CSMD1: variants seen among roughly 807,000 people sequenced by gnomAD.
The protein encoded by CSMD1 is CUB and Sushi multiple domains 1, also known as CUB and sushi domain-containing protein 1.
In CSMD1, 213 loss-of-function variants were observed where a neutral mutation model predicts 417.5. The ratio of observed to expected loss-of-function variants is 0.51; its 90% CI spans 0.46 to 0.57. The LOEUF (loss-of-function observed/expected upper bound fraction) is 0.57, where lower values mean the gene tolerates loss of function less well. Ranked by LOEUF, CSMD1 falls within the 20% of genes least tolerant of loss-of-function variation. CSMD1 has a pLI of 0.00. For synonymous variants in CSMD1, 2,862 were observed against 1,736.8 expected, an observed-to-expected ratio of 1.65 and a Z score of -16.11; for missense variants, 6,923 against 4,529.7, an observed-to-expected ratio of 1.53 and a Z score of -15.17.
intron 10 of CSMD1, among the ~76,000 whole-genome samples, chr8:3,510,876 T>C (rs181619882): frequency 1.3e-5 from 2 of 151,940 alleles, no homozygotes; most frequent in Non-Finnish European, 2.9e-5. Flanking sequence ...TGTAAATTTG[T>C]TTAAGTTCCT....
intron 3 of CSMD1, among the ~76,000 whole-genome samples, chr8:4,370,481 A>G (rs550538178): frequency 5.3e-5 from 8 of 152,132 alleles, no homozygotes; most frequent in Non-Finnish European, 7.4e-5. Flanking sequence ...TTGCATGGCA[A>G]CTGTCCTAAT....
intron 39 of CSMD1, among the ~76,000 whole-genome samples, chr8:3,154,933 A>C (rs1261397738): frequency 6.6e-6 from 1 of 152,168 alleles, no homozygotes; most frequent in East Asian, 1.9e-4. Flanking sequence ...AGCTACAAAA[A>C]ACCTTTTAAT....
chr8:4,753,926 G>T (rs1811504294), intron 1 of CSMD1, among the ~76,000 whole-genome samples: 1 of 152,220 alleles, frequency 6.6e-6, no homozygotes, highest in Non-Finnish European at 1.5e-5. Context: ...ACCAGCACAT[G>T]CGAGATGCTT....
intron 17 of CSMD1, among the ~76,000 whole-genome samples, 197 bp downstream of exon 17, chr8:3,395,997 G>C (rs899205123): frequency 2.6e-5 from 4 of 152,126 alleles, no homozygotes. Context: ...GTATTTTTGA[G>C]AGTTAAAAGG....
chr8:4,560,772 C>T (rs540281654), intron 2 of CSMD1, among the ~76,000 whole-genome samples: 18 of 152,324 alleles, frequency 1.2e-4, no homozygotes, highest in African/African-American at 4.1e-4. Context: ...CAGAGTGCTG[C>T]ACCTGCACTG....
intron 3 of CSMD1, among the ~76,000 whole-genome samples, chr8:4,183,273 G>T (rs1316256715): frequency 6.6e-6 from 1 of 152,094 alleles, no homozygotes; most frequent in Admixed American, 6.6e-5. Flanking sequence ...ATTTAATTCT[G>T]TAAAAAAATA....
intron 2 of CSMD1, among the ~76,000 whole-genome samples, chr8:4,438,028 T>C (rs936131431): frequency 6.6e-6 from 1 of 152,170 alleles, no homozygotes; most frequent in Non-Finnish European, 1.5e-5. Flanking sequence ...GGGCATGGAA[T>C]ACTTCCAAGC....
At chr8:4,341,086 G>C (rs967123712) in intron 3 of CSMD1, among the ~76,000 whole-genome samples, 1 of 152,042 alleles carries the variant, frequency 6.6e-6, no homozygotes, top group Non-Finnish European at 1.5e-5. Context: ...AAAGAATAGT[G>C]AGAGAATAGA....
chr8:4,301,263 C>T (rs749252433), intron 3 of CSMD1, among the ~76,000 whole-genome samples: 1 of 152,190 alleles, frequency 6.6e-6, no homozygotes, highest in East Asian at 1.9e-4. Flanking sequence ...ATTCTTTGGC[C>T]CTCCACAAAG....
chr8:4,632,968 G>C (rs1278960622), intron 2 of CSMD1, among the ~76,000 whole-genome samples: 2 of 152,148 alleles, frequency 1.3e-5, no homozygotes, highest in African/African-American at 2.4e-5. Context: ...GGGACTGAAG[G>C]ACAGAATGCA....
At chr8:4,361,026 A>G (rs1262952114) in intron 3 of CSMD1, among the ~76,000 whole-genome samples, 3 of 152,200 alleles carry the variant, frequency 2.0e-5, no homozygotes, top group Non-Finnish European at 4.4e-5. Flanking sequence ...ATTTCTTAAA[A>G]TTAATGCTAT....
intron 5 of CSMD1, among the ~76,000 whole-genome samples, chr8:3,900,752 G>T (rs1807692897): frequency 2.6e-5 from 4 of 152,032 alleles, no homozygotes; most frequent in Admixed American, 2.0e-4. Flanking sequence ...CACCGCAACT[G>T]GGTGACAGTA....
chr8:3,726,502 C>A (rs572652502), intron 6 of CSMD1, among the ~76,000 whole-genome samples: 101 of 152,272 alleles, frequency 6.6e-4, no homozygotes, highest in African/African-American at 2.3e-3. Context: ...AGATGAGAGG[C>A]CAACTCTGAA....
intron 12 of CSMD1, among the ~76,000 whole-genome samples, chr8:3,432,749 C>T (rs951766828): frequency 6.6e-6 from 1 of 152,048 alleles, no homozygotes; most frequent in Non-Finnish European, 1.5e-5. Context: ...CTCTTGACCT[C>T]GTGATCTTCC....
chr8:3,494,948 A>G (rs939019984), intron 10 of CSMD1, among the ~76,000 whole-genome samples: 8 of 152,174 alleles, frequency 5.3e-5, no homozygotes, highest in Admixed American at 5.2e-4. Flanking sequence ...CATGTCCACC[A>G]TTCCAACAGG....
At chr8:3,081,541 T>A (rs1253907388) in intron 49 of CSMD1, among the ~76,000 whole-genome samples, 1 of 152,224 alleles carries the variant, frequency 6.6e-6, no homozygotes, top group Non-Finnish European at 1.5e-5. Context: ...AAGTTGGACG[T>A]GGAAGTCTTA....
intron 3 of CSMD1, among the ~76,000 whole-genome samples, chr8:4,295,091 T>A (rs544060588): frequency 4.8e-5 from 5 of 103,650 alleles, no homozygotes; most frequent in Admixed American, 4.2e-4. Context: ...ATCTTAAGAT[T>A]ACACACATAT....
chr8:3,840,128 C>A (rs553646687), intron 5 of CSMD1, among the ~76,000 whole-genome samples: 1 of 152,196 alleles, frequency 6.6e-6, no homozygotes, highest in East Asian at 1.9e-4. Context: ...CTATTATGAA[C>A]AGCTTGCTTC....
chr8:4,962,187 GCT>G (rs1809538493), intron 1 of CSMD1, among the ~76,000 whole-genome samples: 1 of 98,318 alleles, frequency 1.0e-5, no homozygotes, highest in African/African-American at 3.9e-5. Flanking sequence ...GTAAATTTCT[GCT>G]TTTTTTTTAA....
Sources: gnomAD v4.1 joint callset for allele counts (sites outside exome capture counted in the v4.1 genomes callset) on GRCh38, gnomAD v4.1.1 for gene constraint, MANE v1.5 for transcripts, NCBI Gene and HGNC (gene_info 2026-07-23, HGNC 2026-07-21) for gene names.